The following CDCA2 variants were observed in gnomAD, a reference collection of about 807,000 sequenced individuals.
CDCA2 encodes cell division cycle associated 2, also known as cell division cycle-associated protein 2.
Under a neutral mutation model 67.0 loss-of-function variants are expected in CDCA2, and 44 were observed. That is an observed-to-expected ratio of 0.66 (90% confidence interval 0.52 to 0.84). The LOEUF is 0.84. CDCA2 is among the 40% of genes least tolerant of loss of function. The pLI is 0.00. For missense variants in CDCA2, 1,253 were observed against 1,203.2 expected, an observed-to-expected ratio of 1.04 and a Z score of -0.61; for synonymous variants, 447 against 418.7, an observed-to-expected ratio of 1.07 and a Z score of -0.82.
intron 4 of CDCA2, among the ~76,000 whole-genome samples, chr8:25,465,194 A>G (rs182495735): frequency 6.6e-6 from 1 of 152,254 alleles, no homozygotes; most frequent in African/African-American, 2.4e-5. Context: ...GGCTGGTCTC[A>G]AACTCCTGAC....
At chr8:25,467,249 C>T (rs114422712) in intron 5 of CDCA2, among the ~76,000 whole-genome samples, 1 of 151,784 alleles carries the variant, frequency 6.6e-6, no homozygotes, top group African/African-American at 2.4e-5. Context: ...TTCTCTGGTA[C>T]TTTACACACT....
intron 12 of CDCA2, among the ~76,000 whole-genome samples, chr8:25,487,734 C>T (rs1339513164): frequency 2.6e-5 from 4 of 151,614 alleles, no homozygotes; most frequent in South Asian, 2.1e-4. Flanking sequence ...AGTGAGACTC[C>T]GTCTCAAAAA....
At chr8:25,490,201 G>A (rs1244240199) in intron 13 of CDCA2, among the ~76,000 whole-genome samples, 2 of 151,588 alleles carry the variant, frequency 1.3e-5, no homozygotes, top group Non-Finnish European at 2.9e-5. Context: ...GATTTCCTTC[G>A]TGTGTGTGTG....
chr8:25,489,132 T>C (rs1296804905), intron 13 of CDCA2, among the ~76,000 whole-genome samples: 1 of 152,166 alleles, frequency 6.6e-6, no homozygotes, highest in Non-Finnish European at 1.5e-5. Context: ...TTAACACTTC[T>C]GGTCGTCTCA....
chr8:25,485,843 A>G lies in CDCA2; in HGVS notation c.1444+6A>G. On this transcript the variant is annotated splice_donor_region_variant and intron_variant, in intron 11 of 14. Transcript: ENST00000330560. The stretch of plus-strand genomic sequence containing the variant: ...AATCTCTGAGACCCTTTCAGGTAGT[A>G]ACTTGTTTATCTTAAAATCATAAAT... The G allele has an allele frequency of 6.6e-7, 1 of 1,518,294 alleles. No individual in the cohort carries two copies. Among genetic ancestry groups the G allele is most frequent in the Non-Finnish European group, 9.1e-7 (1 of 1,103,042 alleles). The allele number at this position is 1,518,294 out of a possible 1,614,324, so 94.1% of individuals were successfully genotyped here. A position where few individuals can be genotyped will look rare whatever the true frequency, so the allele number is the denominator to read the frequency against.
intron 7 of CDCA2, among the ~76,000 whole-genome samples, chr8:25,470,766 CT>C (rs34735007): frequency 1.1e-3 from 156 of 145,194 alleles, no homozygotes; most frequent in East Asian, 2.2e-3. Context: ...CTTTGTTTTT[CT>C]TTTTTTTTTT....
At chr8:25,484,732 G>A (rs1336380000) in intron 10 of CDCA2, among the ~76,000 whole-genome samples, 1 of 151,850 alleles carries the variant, frequency 6.6e-6, no homozygotes, top group Non-Finnish European at 1.5e-5. Flanking sequence ...CTCCCGAGTA[G>A]CTGGGACATG....
At chr8:25,492,986 GTGTT>G (rs747201924) in intron 13 of CDCA2, among the ~76,000 whole-genome samples, 7 of 152,234 alleles carry the variant, frequency 4.6e-5, no homozygotes, top group Admixed American at 6.5e-5. Context: ...TTTTGTTTGT[GTGTT>G]TGTTTGTTTG....
At chr8:25,498,100 C>G in intron 13 of CDCA2, among the ~76,000 whole-genome samples, 1 of 151,934 alleles carries the variant, frequency 6.6e-6, no homozygotes, top group East Asian at 1.9e-4. Flanking sequence ...CTGATTAGAA[C>G]AGTTGTTTTA....
At chr8:25,498,816 G>A (rs912138546) in intron 13 of CDCA2, among the ~76,000 whole-genome samples, 6 of 152,164 alleles carry the variant, frequency 3.9e-5, no homozygotes, top group African/African-American at 1.4e-4. Flanking sequence ...GTCATGTACT[G>A]TGTAACTCGG....
At chr8:25,480,442 TATAA>T (rs1305063795) in intron 8 of CDCA2, among the ~76,000 whole-genome samples, 1 of 152,160 alleles carries the variant, frequency 6.6e-6, no homozygotes, top group Admixed American at 6.5e-5. Flanking sequence ...TATATAATTA[TATAA>T]GTGATATTAA....
rs376754752 is a variant in CDCA2, at chr8:25,466,252, A to G, written c.465A>G (p.Ile155Met). 45 of 1,611,124 alleles carry G rather than the reference A, an allele frequency of 2.8e-5. No individual in the cohort carries two copies. The highest frequency in any genetic ancestry group is 5.1e-5 in the Admixed American group (3 of 58,920). Residue 155 changes from isoleucine to methionine, a missense_variant, in exon 5 of 15, where the codon ATA becomes ATG. Coordinates refer to ENST00000330560, the MANE Select transcript of CDCA2 (RefSeq NM_152562.4). Reference sequence around the variant, plus strand: ...CCTTCCAGTCAGCTTTTCACTCCATAAAGGAAAACGAGAAAATGACCGGCT... The same window carrying G: ...CCTTCCAGTCAGCTTTTCACTCCATGAAGGAAAACGAGAAAATGACCGGCT... ...ISAFQSAFHS[I>M]KENEKMTGCL...
rs116520232 is a variant in CDCA2 at position 25,484,090 on chromosome 8, T to G, written c.1245T>G (p.Arg415=). The change falls in exon 10 of 15, where the codon CGT becomes CGG. Residue 415 remains arginine (R), a synonymous_variant. Coordinates refer to ENST00000330560, the MANE Select transcript of CDCA2 (RefSeq NM_152562.4). ...DESLPANTPL[R]KGGTPVCKKD... is the part of the protein sequence containing the mutation. ...CTTTGCCAGCAAATACTCCATTGCGTAAAGGAGGAACACCTGTTTGTAAAA... is the reference window on the plus strand; with the variant it reads ...CTTTGCCAGCAAATACTCCATTGCGGAAAGGAGGAACACCTGTTTGTAAAA... 326 of 1,614,182 alleles carry G rather than the reference T, an allele frequency of 2.0e-4. No homozygotes were observed. In the East Asian group the frequency reaches 6.0e-3, roughly 30 times the overall value.
chr8:25,507,461 T>A lies in CDCA2; in HGVS notation c.2795T>A (p.Phe932Tyr), dbSNP rs777341881. ...ATATGTACATTTGACAGCAGTGGAT[T>A]TGAAAGTATGTCTCCCATAAAAGAA... ...RTICTFDSSG[F>Y]ESMSPIKETV... The change falls in exon 15 of 15, where the codon TTT becomes TAT. Residue 932 changes from phenylalanine (F) to tyrosine (Y), a missense_variant. Transcript: ENST00000330560. The A allele has an allele frequency of 1.2e-6, 2 of 1,614,032 alleles. No homozygotes were observed. Among genetic ancestry groups the A allele is most frequent in the Non-Finnish European group, 8.5e-7 (1 of 1,179,996 alleles).
intron 8 of CDCA2, among the ~76,000 whole-genome samples, chr8:25,480,562 G>T (rs772859638): frequency 6.6e-6 from 1 of 152,114 alleles, no homozygotes; most frequent in Non-Finnish European, 1.5e-5. Context: ...TCGAAGCTCA[G>T]TCAATATGAG....
intron 12 of CDCA2, among the ~76,000 whole-genome samples, chr8:25,487,558 G>A (rs912480460): frequency 2.0e-5 from 3 of 152,016 alleles, no homozygotes; most frequent in Admixed American, 6.6e-5. Flanking sequence ...TGGCTAACAC[G>A]GTAAAATCCC....
intron 7 of CDCA2, among the ~76,000 whole-genome samples, chr8:25,471,011 C>T (rs1343966634): frequency 6.6e-6 from 1 of 152,154 alleles, no homozygotes; most frequent in African/African-American, 2.4e-5. Flanking sequence ...ATCCACCCAT[C>T]TTGGCCTCCT....
chr8:25,467,685 A>G (rs551156690), intron 5 of CDCA2, among the ~76,000 whole-genome samples: 1 of 152,188 alleles, frequency 6.6e-6, no homozygotes, highest in Non-Finnish European at 1.5e-5. Context: ...CTTAATTCTA[A>G]TAATATGAAT....
chr8:25,460,101 A>G (rs1802617407), intron 1 of CDCA2, 139 bp from the exon 2 acceptor site: 8 of 767,544 alleles, frequency 1.0e-5, no homozygotes, highest in Middle Eastern at 2.6e-4. Context: ...CAGAAATTAA[A>G]ATAAAAAATG....
Sources: gnomAD v4.1 joint callset for allele counts (sites outside exome capture counted in the v4.1 genomes callset) on GRCh38, gnomAD v4.1.1 for gene constraint, MANE v1.5 for transcripts, NCBI Gene and HGNC (gene_info 2026-07-23, HGNC 2026-07-21) for gene names.